Variants in EYA1 observed in about 807,000 individuals in gnomAD.
EYA1 encodes protein phosphatase EYA1.
Under a neutral mutation model 82.0 loss-of-function variants are expected in EYA1, and 16 were observed. The observed-to-expected ratio is 0.20, with a 90% CI of 0.13 to 0.30. The LOEUF is 0.30. Among genes scored for constraint, EYA1 ranks in the 10% least tolerant of loss-of-function variants. The pLI is 1.00. For synonymous variants in EYA1, 261 were observed against 264.4 expected (o/e 0.99, Z 0.12); for missense variants, 633 against 730.7 (o/e 0.87, Z 1.54).
intron 17 of EYA1, chr8:71,199,890 C>CAGTT: frequency 5.8e-6 from 1 of 173,634 alleles, no homozygotes; most frequent in Non-Finnish European, 1.2e-5. Context: ...TTATTTCCCT[C>CAGTT]AGTTATTCTT....
intron 2 of EYA1, among the ~76,000 whole-genome samples, chr8:71,389,805 T>C (rs1829172066): frequency 6.6e-6 from 1 of 152,206 alleles, no homozygotes; most frequent in South Asian, 2.1e-4. Flanking sequence ...CTTTACACTG[T>C]AATGCCAGTA....
At chr8:71,466,595 G>T (rs114569449) in intron 2 of EYA1, among the ~76,000 whole-genome samples, 1 of 151,994 alleles carries the variant, frequency 6.6e-6, no homozygotes, top group Non-Finnish European at 1.5e-5. Flanking sequence ...AGATATAATC[G>T]TTAATCAATA....
At position 71,299,236 on chromosome 8, in the gene EYA1, AC is replaced by A. The variant is rs1819930831; in HGVS notation, c.640-4del. ...AAACTGGGATAAGACGGATAGTCCT[AC>A]CAAATCAAACCACACAAGAATTGTC... On this transcript the variant is annotated splice_region_variant and splice_polypyrimidine_tract_variant and intron_variant, in intron 8 of 17. Transcript: ENST00000340726. 2 of 1,613,742 alleles carry A rather than the reference AC, an allele frequency of 1.2e-6. No individual in the cohort carries two copies. The highest frequency in any genetic ancestry group is 4.5e-5 in the East Asian group (2 of 44,872).
At chr8:71,204,974 G>C (rs1207446836) in intron 17 of EYA1, among the ~76,000 whole-genome samples, 1 of 152,118 alleles carries the variant, frequency 6.6e-6, no homozygotes, top group African/African-American at 2.4e-5. Flanking sequence ...AACATTCACT[G>C]TACTTGGTGT....
chr8:71,273,995 A>G (rs1185923753), intron 9 of EYA1, among the ~76,000 whole-genome samples: 1 of 152,172 alleles, frequency 6.6e-6, no homozygotes, highest in African/African-American at 2.4e-5. Flanking sequence ...TAAAAACTCA[A>G]TCTTTTAAAA....
intron 17 of EYA1, among the ~76,000 whole-genome samples, chr8:71,200,957 C>G (rs1806919464): frequency 6.8e-6 from 1 of 147,356 alleles, no homozygotes; most frequent in African/African-American, 2.5e-5. Context: ...CAGAAAAACA[C>G]TCTGATGGTT....
At chr8:71,530,681 A>G (rs1814193983) in intron 2 of EYA1, among the ~76,000 whole-genome samples, 1 of 152,188 alleles carries the variant, frequency 6.6e-6, no homozygotes, top group African/African-American at 2.4e-5. Flanking sequence ...GTTTCTTTCT[A>G]TTAAAAAATA....
intron 2 of EYA1, among the ~76,000 whole-genome samples, chr8:71,513,107 A>C (rs1389581635): frequency 6.6e-6 from 1 of 152,178 alleles, no homozygotes. Flanking sequence ...TTAAGTATGA[A>C]GGTAATAGAC....
At chr8:71,213,491 CTA>C (rs1808790494) in intron 16 of EYA1, among the ~76,000 whole-genome samples, 1 of 152,178 alleles carries the variant, frequency 6.6e-6, no homozygotes, top group Non-Finnish European at 1.5e-5. Context: ...AAACTGTTTG[CTA>C]TTTTTATGGA....
At chr8:71,292,885 A>G (rs1399435218) in intron 9 of EYA1, among the ~76,000 whole-genome samples, 2 of 152,062 alleles carry the variant, frequency 1.3e-5, no homozygotes, top group East Asian at 3.8e-4. Context: ...ACTCTTAGGA[A>G]ACTATAAAAA....
At position 71,275,895 on chromosome 8, in the gene EYA1, C is replaced by T. The variant is rs190742861; in HGVS notation, c.827-3998G>A. Among the ~76,000 whole-genome samples, 6 of 152,310 alleles carry T rather than the reference C, an allele frequency of 3.9e-5. No homozygotes were observed. In the East Asian group the frequency reaches 1.2e-3, roughly 29 times the overall value. ...TCTGCAGCTGTGCTGACCACTTGCT[C>T]CTTTAAATCATGTCCAATTCAGAAT... On this transcript the variant is annotated intron_variant, in intron 9 of 17. Transcript: ENST00000340726.
intron 2 of EYA1, among the ~76,000 whole-genome samples, chr8:71,387,431 T>C (rs961666400): frequency 5.3e-5 from 8 of 152,072 alleles, no homozygotes; most frequent in African/African-American, 1.9e-4. Context: ...TAGAGAGAAA[T>C]GATAGGTAGA....
chr8:71,535,217 C>T (rs933062778), intron 2 of EYA1, among the ~76,000 whole-genome samples: 37 of 152,246 alleles, frequency 2.4e-4, no homozygotes, highest in African/African-American at 7.7e-4. Flanking sequence ...AGAAAATCTG[C>T]GAACCCTTTC....
intron 2 of EYA1, among the ~76,000 whole-genome samples, chr8:71,432,500 TC>T (rs1449207736): frequency 1.3e-5 from 2 of 152,144 alleles, no homozygotes; most frequent in African/African-American, 4.8e-5. Context: ...AAGTCCAAGA[TC>T]AAGGCATCTT....
Position 71,491,484 on chromosome 8 carries a change from C to T in EYA1, c.33+44260G>A, listed in dbSNP as rs189567066. 3.4e-3 allele frequency among the ~76,000 whole-genome samples: 511 copies of T among 152,176 alleles called. 2 individuals carry two copies. Among genetic ancestry groups the T allele is most frequent in the African/African-American group, 0.012 (481 of 41,510 alleles). On this transcript the variant is annotated intron_variant, in intron 2 of 18. Transcript: ENST00000643681. The stretch of plus-strand genomic sequence containing the variant: ...CTCAGCAGGTGACTGGATTTGGAGA[C>T]GGGGTTTTAAAAAGGCAATTAAGGT...
rs139747997 is a variant in EYA1 at position 71,354,649 on chromosome 8, C to T, written c.124+133G>A. The T allele has an allele frequency of 8.4e-4, 731 of 870,644 alleles. 2 individuals are homozygous for T. The African/African-American group carries it at 9.8e-3, about 12-fold the overall frequency. 53.9% of individuals were successfully genotyped at this position (870,644 alleles called of 1,614,324 possible). A position where few individuals can be genotyped will look rare whatever the true frequency, so the allele number is the denominator to read the frequency against. On this transcript the variant is annotated intron_variant, in intron 3 of 17. Coordinates refer to ENST00000340726, the MANE Select transcript of EYA1 (RefSeq NM_000503.6). ...ACAATGAGTACTGATTGGTAAGTCACATTATTACCTAAAGGGGAAATATAA... is the reference window on the plus strand; with the variant it reads ...ACAATGAGTACTGATTGGTAAGTCATATTATTACCTAAAGGGGAAATATAA...
rs139995440 is a variant in EYA1, at chr8:71,303,311, G to GAT, written c.557-3593_557-3592dup. On this transcript the variant is annotated intron_variant, in intron 7 of 17. Coordinates refer to ENST00000340726, the MANE Select transcript of EYA1 (RefSeq NM_000503.6). ...CAATCTCTGTGATGTACGTACATTT[G>GAT]ATATACACACACACACACACACACA... Among the ~76,000 whole-genome samples the GAT allele has an allele frequency of 2.7e-3, 295 of 108,178 alleles. 22 individuals carry two copies. Among genetic ancestry groups the GAT allele is most frequent in the African/African-American group, 9.1e-3 (282 of 30,836 alleles). The allele number at this position is 108,178 out of a possible 152,430, so 71.0% of individuals were successfully genotyped here. A position where few individuals can be genotyped will look rare whatever the true frequency, so the allele number is the denominator to read the frequency against.
chr8:71,321,924 T>G, intron 5 of EYA1, 45 bp from the exon 6 acceptor site: 3 of 1,612,604 alleles, frequency 1.9e-6, no homozygotes, highest in East Asian at 2.2e-5. Context: ...ATGCATTAGA[T>G]GGAAACATGC....
chr8:71,354,393 C>T (rs59983014), intron 3 of EYA1, among the ~76,000 whole-genome samples: 2,807 of 152,132 alleles, frequency 0.018, 97 homozygotes, highest in African/African-American at 0.064. Flanking sequence ...TATTTAACAA[C>T]AAAAGGGAAA....
Sources: allele counts gnomAD v4.1 joint callset (sites outside exome capture counted in the v4.1 genomes callset), GRCh38; gene constraint gnomAD v4.1.1; transcripts MANE v1.5; gene names NCBI Gene and HGNC (gene_info 2026-07-23, HGNC 2026-07-21).